FAM168A: variants seen among roughly 807,000 people sequenced by gnomAD.
FAM168A encodes the protein family with sequence similarity 168 member A, also known as protein FAM168A.
FAM168A carries 3 observed loss-of-function variants against 28.5 expected under a neutral mutation model. The observed-to-expected ratio is 0.11, with a 90% CI of 0.05 to 0.27. The LOEUF (loss-of-function observed/expected upper bound fraction) is 0.27. Ranked by LOEUF, FAM168A falls within the 10% of genes least tolerant of loss-of-function variation. FAM168A has a pLI of 1.00. For synonymous variants in FAM168A, 122 were observed against 124.2 expected, an observed-to-expected ratio of 0.98 and a Z score of 0.12; for missense variants, 222 against 311.5, an observed-to-expected ratio of 0.71 and a Z score of 2.16.
chr11:73,591,672 G>A (rs1221164822), intron 1 of FAM168A, among the ~76,000 whole-genome samples: 1 of 152,162 alleles, frequency 6.6e-6, no homozygotes, highest in Non-Finnish European at 1.5e-5. Context: ...ACCACATCCA[G>A]ATAATATTTT....
intron 1 of FAM168A, among the ~76,000 whole-genome samples, chr11:73,517,070 C>T (rs968801311): frequency 3.3e-5 from 5 of 152,154 alleles, no homozygotes; most frequent in Admixed American, 6.5e-5. Flanking sequence ...GCTGTAATTA[C>T]GGCATTTGCG....
intron 1 of FAM168A, among the ~76,000 whole-genome samples, chr11:73,510,221 T>C (rs1387674236): frequency 6.6e-6 from 1 of 152,162 alleles, no homozygotes; most frequent in Admixed American, 6.5e-5. Context: ...CTCTTTCAAC[T>C]AGGCAACACA....
chr11:73,408,780 C>CA (rs61669430), intron 6 of FAM168A, among the ~76,000 whole-genome samples: 3,762 of 97,234 alleles, frequency 0.039, 48 homozygotes, highest in African/African-American at 0.062. Context: ...GACCCTGTCT[C>CA]AAAAAAAAAA....
chr11:73,414,036 C>G (rs1866659752), intron 4 of FAM168A, among the ~76,000 whole-genome samples: 1 of 152,182 alleles, frequency 6.6e-6, no homozygotes, highest in East Asian at 1.9e-4. Flanking sequence ...GTACTTCAGC[C>G]TGGGTGACAG....
intron 3 of FAM168A, among the ~76,000 whole-genome samples, chr11:73,429,540 G>A (rs139665101): frequency 3.9e-5 from 6 of 152,204 alleles, no homozygotes; most frequent in African/African-American, 9.6e-5. Flanking sequence ...CTACTTCTAC[G>A]TTCCTCACAG....
chr11:73,484,707 TATAG>T (rs1868028686), intron 1 of FAM168A, among the ~76,000 whole-genome samples: 2 of 131,868 alleles, frequency 1.5e-5, no homozygotes, highest in Non-Finnish European at 1.5e-5. Flanking sequence ...TATAGATATA[TATAG>T]ATATATATAT....
intron 1 of FAM168A, among the ~76,000 whole-genome samples, chr11:73,519,452 G>A (rs945528215): frequency 2.0e-5 from 3 of 152,224 alleles, no homozygotes; most frequent in African/African-American, 4.8e-5. Context: ...GAGGAGGAAA[G>A]AGATGAAGGA....
intron 2 of FAM168A, among the ~76,000 whole-genome samples, chr11:73,467,280 T>C (rs1246830917): frequency 6.6e-6 from 1 of 151,466 alleles, no homozygotes; most frequent in East Asian, 1.9e-4. Flanking sequence ...ATGGATAATA[T>C]TTTGTCCCAT....
Position 73,567,772 on chromosome 11 carries a change from T to A in FAM168A, c.-19+30151A>T, listed in dbSNP as rs1019986011. Among the ~76,000 whole-genome samples the A allele has an allele frequency of 6.6e-5, 10 of 152,190 alleles. 1 individual carries two copies. Among genetic ancestry groups the A allele is most frequent in the Admixed American group, 5.2e-4 (8 of 15,276 alleles). ...CTCTACTCTCTCTTCTCCCTTCTCA[T>A]GGACTTATTTCAAGGTAGATGTGTT... On this transcript the variant is annotated intron_variant, in intron 1 of 7. Transcript: ENST00000356467.
At chr11:73,461,366 C>T (rs1867643927) in intron 2 of FAM168A, among the ~76,000 whole-genome samples, 1 of 152,150 alleles carries the variant, frequency 6.6e-6, no homozygotes. Context: ...GATCCTCCCC[C>T]ATCAGCCTCT....
chr11:73,422,711 T>C (rs553472116), intron 3 of FAM168A, among the ~76,000 whole-genome samples: 18 of 152,378 alleles, frequency 1.2e-4, no homozygotes, highest in African/African-American at 4.3e-4. Context: ...CATATACATA[T>C]GTAAAGACAT....
chr11:73,552,344 G>A (rs1423624531), intron 1 of FAM168A, among the ~76,000 whole-genome samples: 2 of 152,234 alleles, frequency 1.3e-5, no homozygotes, highest in Non-Finnish European at 2.9e-5. Context: ...GCTCATATGG[G>A]CATTCAATAC....
At chr11:73,462,437 TG>T (rs1016503016) in intron 2 of FAM168A, among the ~76,000 whole-genome samples, 7 of 151,902 alleles carry the variant, frequency 4.6e-5, no homozygotes, top group East Asian at 1.9e-4. Flanking sequence ...TGCCAGGAGC[TG>T]GGGGGGAGGG....
chr11:73,460,880 C>T (rs1026008998), intron 2 of FAM168A, among the ~76,000 whole-genome samples: 1 of 151,958 alleles, frequency 6.6e-6, no homozygotes, highest in African/African-American at 2.4e-5. Flanking sequence ...GGGAAATGAC[C>T]GAAGATAAGA....
chr11:73,454,232 G>T (rs1328543692), intron 2 of FAM168A, among the ~76,000 whole-genome samples: 2 of 152,212 alleles, frequency 1.3e-5, no homozygotes, highest in Non-Finnish European at 2.9e-5. Context: ...AAGGGAAGGA[G>T]TCAGCCAGCT....
At chr11:73,482,080 C>T (rs1162498899) in intron 1 of FAM168A, among the ~76,000 whole-genome samples, 1 of 151,902 alleles carries the variant, frequency 6.6e-6, no homozygotes, top group Non-Finnish European at 1.5e-5. Context: ...ACCTCCCAGC[C>T]TCTAGAATTG....
intron 1 of FAM168A, among the ~76,000 whole-genome samples, chr11:73,561,672 T>C (rs1419878009): frequency 6.6e-6 from 1 of 152,214 alleles, no homozygotes; most frequent in Non-Finnish European, 1.5e-5. Context: ...TTCACTCTTT[T>C]TTTAAGCATC....
chr11:73,431,710 C>G (rs1442162240), intron 2 of FAM168A, among the ~76,000 whole-genome samples: 2 of 152,144 alleles, frequency 1.3e-5, no homozygotes, highest in African/African-American at 4.8e-5. Context: ...CAAACCAGCT[C>G]CAGCTCACTA....
At chr11:73,576,437 T>G (rs1944176093) in intron 1 of FAM168A, among the ~76,000 whole-genome samples, 4 of 152,178 alleles carry the variant, frequency 2.6e-5, no homozygotes, top group Admixed American at 2.6e-4. Context: ...AACATCCCAT[T>G]GAGGCTACAG....
Sources: allele counts gnomAD v4.1 joint callset (sites outside exome capture counted in the v4.1 genomes callset), GRCh38; gene constraint gnomAD v4.1.1; transcripts MANE v1.5; gene names NCBI Gene and HGNC (gene_info 2026-07-23, HGNC 2026-07-21).